The following MYOM3 variants were observed in gnomAD, a reference collection of about 807,000 sequenced individuals.
The protein encoded by MYOM3 is myomesin-3.
In MYOM3, 155 loss-of-function variants were observed where a neutral mutation model predicts 191.7. The observed-to-expected ratio is 0.81, with a 90% CI of 0.71 to 0.92. The LOEUF (loss-of-function observed/expected upper bound fraction) is 0.92, where lower values mean the gene tolerates loss of function less well. MYOM3 is among the 40% of genes least tolerant of loss of function. MYOM3 has a pLI of 0.00. For missense variants in MYOM3, 1,889 were observed against 1,890.6 expected (o/e 1.00, Z 0.02); for synonymous variants, 757 against 762.9 (o/e 0.99, Z 0.13).
intron 11 of MYOM3, 132 bp from the exon 12 acceptor site, chr1:24,091,128 C>A: frequency 9.3e-7 from 1 of 1,069,992 alleles, no homozygotes. Flanking sequence ...GTTCTTCTCT[C>A]CAATGGAAGA....
rs538389493 is a variant in MYOM3, at chr1:24,071,107, A to G, written c.3150+10T>C. 5 of 1,613,080 alleles carry G rather than the reference A, an allele frequency of 3.1e-6. No homozygotes were observed. The highest frequency in any genetic ancestry group is 1.3e-5 in the African/African-American group (1 of 75,026). Reference sequence around the variant, plus strand: ...GAGCCTCACTTCAGGGATTGTGAGCACCCAATTACCGGCGAGCTGAAGATC... The same window carrying G: ...GAGCCTCACTTCAGGGATTGTGAGCGCCCAATTACCGGCGAGCTGAAGATC... On this transcript the variant is annotated intron_variant, in intron 25 of 36. Transcript: ENST00000374434.
At position 24,067,004 on chromosome 1, in the gene MYOM3, G is replaced by A; in HGVS notation, c.3423+17C>T. On this transcript the variant is annotated intron_variant, in intron 28 of 36. Coordinates refer to ENST00000374434, the MANE Select transcript of MYOM3 (RefSeq NM_152372.4). ...CCCCCTGCACTGGGCCTGGGGGCAG[G>A]GCAGGGCAGGACTTGCCTTGCACGT... is the stretch of plus-strand genomic sequence containing the variant. The A allele has an allele frequency of 6.4e-7, 1 of 1,559,812 alleles. No individual in the cohort carries two copies. The highest frequency in any genetic ancestry group is 8.7e-7 in the Non-Finnish European group (1 of 1,150,478).
rs765198036 is a variant in MYOM3 at position 24,082,002 on chromosome 1, T to C, written c.2279A>G (p.Lys760Arg). 27 of 1,608,056 alleles carry C rather than the reference T, an allele frequency of 1.7e-5. No individual in the cohort carries two copies. Among genetic ancestry groups the C allele is most frequent in the South Asian group, 5.6e-5 (5 of 90,054 alleles). Residue 760 changes from lysine (K) to arginine (R), a missense_variant and splice_region_variant, in exon 18 of 37, where the codon AAG becomes AGG. Lys to Arg is a conservative substitution (Grantham distance 26, BLOSUM62 2). Transcript: ENST00000374434. ...GCTGGGGCCACCTTCCAGCCCTACC[T>C]TGCAGACCCGGGTGGGGATGGGCTG... is the stretch of plus-strand genomic sequence containing the variant. The part of the protein sequence containing the change: ...NQQPIPTRVC[K>R]VSDLHEGHFY...
rs372739261 is a variant in MYOM3 at position 24,064,073 on chromosome 1, G to A, written c.3621C>T (p.Asp1207=). 56 of 1,613,164 alleles carry A rather than the reference G, an allele frequency of 3.5e-5. No individual in the cohort carries two copies. Among genetic ancestry groups the A allele is most frequent in the East Asian group, 1.6e-4 (7 of 44,844 alleles). Residue 1207 remains aspartate, a splice_region_variant and synonymous_variant, in exon 30 of 37, where the codon GAC becomes GAT. Coordinates refer to ENST00000374434, the MANE Select transcript of MYOM3 (RefSeq NM_152372.4). ...CCCTGACCCATCGCCAGCTCCTACC[G>A]TCACCCGTGAGGTCCAATATGGTGT... The part of the protein sequence containing the change: ...EDDTILDLTG[D]ALDAIFTELG...
intron 15 of MYOM3, 67 bp from the exon 16 acceptor site, chr1:24,084,706 G>A: frequency 2.8e-6 from 4 of 1,441,930 alleles, no homozygotes; most frequent in Non-Finnish European, 3.8e-6. Flanking sequence ...CTGGGGAAGG[G>A]GAGGAGCATG....
intron 25 of MYOM3, 118 bp downstream of exon 25, chr1:24,070,999 A>G: frequency 7.7e-7 from 1 of 1,293,946 alleles, no homozygotes; most frequent in Non-Finnish European, 1.1e-6. Context: ...GCAAAAGCAC[A>G]CCGTCATTTC....
chr1:24,092,213 T>A lies in MYOM3; in HGVS notation c.1193A>T (p.Asp398Val), dbSNP rs766526907. Residue 398 changes from aspartate (D) to valine (V), a missense_variant, in exon 11 of 37, where the codon GAC becomes GTC. By Grantham distance (152) the Asp-to-Val change is radical. Coordinates refer to ENST00000374434, the MANE Select transcript of MYOM3 (RefSeq NM_152372.4). ...GGCAGTGATGGGGTTGCCCCGGGTG[T>A]CACTGGGCGGGGCCCAAGTCAGGAT... is the stretch of plus-strand genomic sequence containing the variant. ...CLILTWAPPSDTRGNPITAYT... is the reference protein window; with the variant it reads ...CLILTWAPPSVTRGNPITAYT... 2 of 1,454,284 alleles carry A rather than the reference T, an allele frequency of 1.4e-6. No individual in the cohort carries two copies. The highest frequency in any genetic ancestry group is 1.5e-5 in the South Asian group (1 of 68,220). The allele number at this position is 1,454,284 out of a possible 1,614,324, so 90.1% of individuals were successfully genotyped here. A position where few individuals can be genotyped will look rare whatever the true frequency, so the allele number is the denominator to read the frequency against.
At position 24,075,018 on chromosome 1, in the gene MYOM3, A is replaced by C. The variant is rs1379043155; in HGVS notation, c.2858+301T>G. On this transcript the variant is annotated intron_variant, in intron 22 of 36. Transcript: ENST00000374434. ...CTTGCTCTTGGGAGGTCAAGGCTGC[A>C]GTGAGCCGAGATCATGCCATTGCAC... 2.0e-5 allele frequency among the ~76,000 whole-genome samples: 3 copies of C among 152,302 alleles called. No homozygotes were observed. In the East Asian group the frequency reaches 5.8e-4, roughly 29 times the overall value.
rs74061495 is a variant in MYOM3, at chr1:24,097,568, C to T, written c.745+355G>A. Among the ~76,000 whole-genome samples the T allele has an allele frequency of 4.5e-3, 689 of 152,290 alleles. 6 individuals carry two copies. Among genetic ancestry groups the T allele is most frequent in the African/African-American group, 0.015 (628 of 41,554 alleles). ...TGAGTTCAAGTCCCAGCCCTGCCAC[C>T]GGCTGGCTCAGGATGGAATCAGGTA... On this transcript the variant is annotated intron_variant, in intron 7 of 36. Coordinates refer to ENST00000374434, the MANE Select transcript of MYOM3 (RefSeq NM_152372.4).
chr1:24,092,248 T>G lies in MYOM3; in HGVS notation c.1158A>C (p.Arg386Ser). 7.1e-7 allele frequency: 1 copy of G among 1,414,676 alleles called. No individual in the cohort carries two copies. The highest frequency in any genetic ancestry group is 1.5e-5 in the African/African-American group (1 of 67,552). 87.6% of individuals were successfully genotyped at this position (1,414,676 alleles called of 1,614,324 possible). A position where few individuals can be genotyped will look rare whatever the true frequency, so the allele number is the denominator to read the frequency against. ...PLNVRCLDVN[R>S]DCLILTWAPP... ...GGGCCCAAGTCAGGATGAGGCAGTC[T>G]CTGTTCACATCCAGGCATCGGACGT... The change falls in exon 11 of 37, where the codon AGA becomes AGC. Residue 386 changes from arginine (R) to serine (S), a missense_variant. Arg to Ser is a moderately radical substitution (Grantham distance 110). Transcript: ENST00000374434.
chr1:24,082,688 C>T lies in MYOM3; in HGVS notation c.1997G>A (p.Gly666Glu), dbSNP rs1238362153. 2 of 1,611,422 alleles carry T rather than the reference C, an allele frequency of 1.2e-6. No individual in the cohort carries two copies. Among genetic ancestry groups the T allele is most frequent in the Admixed American group, 3.4e-5 (2 of 59,698 alleles). Residue 666 changes from glycine to glutamate, a missense_variant, in exon 17 of 37, where the codon GGG becomes GAG. Gly to Glu is a moderately conservative substitution (Grantham distance 98). Transcript: ENST00000374434. Reference sequence around the variant, plus strand: ...CCTGACACAAAACTCGTACTCCTTCCCCGTCCTCAGCCCGGGAACTGTAAA... The same window carrying T: ...CCTGACACAAAACTCGTACTCCTTCTCCGTCCTCAGCCCGGGAACTGTAAA... ...TRFTVPGLRT[G>E]KEYEFCVRSV...
Position 24,061,053 on chromosome 1 carries a change from G to C in MYOM3, c.3994+7C>G. 12 of 1,613,882 alleles carry C rather than the reference G, an allele frequency of 7.4e-6. No individual in the cohort carries two copies. Among genetic ancestry groups the C allele is most frequent in the Non-Finnish European group, 8.5e-6 (10 of 1,179,980 alleles). On this transcript the variant is annotated splice_region_variant and intron_variant, in intron 35 of 36. Transcript: ENST00000374434. Reference sequence around the variant, plus strand: ...AACAAAAACAACAGAAATATCGGCCGACTTACTCTTCTCGATGATGGCCAA... The same window carrying C: ...AACAAAAACAACAGAAATATCGGCCCACTTACTCTTCTCGATGATGGCCAA...
intron 5 of MYOM3, among the ~76,000 whole-genome samples, chr1:24,102,222 C>A (rs1403963950): frequency 6.6e-6 from 1 of 152,182 alleles, no homozygotes; most frequent in Non-Finnish European, 1.5e-5. Context: ...CCATGCAGCC[C>A]CCAGCCTGGC....
Position 24,089,679 on chromosome 1 carries a change from C to A in MYOM3, c.1487-14G>T. 2 of 1,565,618 alleles carry A rather than the reference C, an allele frequency of 1.3e-6. No individual in the cohort carries two copies. Among genetic ancestry groups the A allele is most frequent in the South Asian group, 2.4e-5 (2 of 84,390 alleles). On this transcript the variant is annotated splice_polypyrimidine_tract_variant and intron_variant, in intron 13 of 36. Transcript: ENST00000374434. Reference sequence around the variant, plus strand: ...TGGTCACAGTATCTGAAATCAGAGTCACCCGGGACCGAGATGGTTGGACCC... The same window carrying A: ...TGGTCACAGTATCTGAAATCAGAGTAACCCGGGACCGAGATGGTTGGACCC...
At position 24,062,074 on chromosome 1, in the gene MYOM3, G is replaced by A. The variant is rs201982671; in HGVS notation, c.3806C>T (p.Thr1269Met). The A allele has an allele frequency of 6.6e-4, 1,062 of 1,614,130 alleles. 1 individual carries two copies. The highest frequency in any genetic ancestry group is 2.3e-4 in the Non-Finnish European group (277 of 1,180,028). Residue 1269 changes from threonine (T) to methionine (M), a missense_variant, in exon 33 of 37, where the codon ACG becomes ATG. Coordinates refer to ENST00000374434, the MANE Select transcript of MYOM3 (RefSeq NM_152372.4). ...KRLESGDRIRTGTTLDEIWLH... is the reference protein window; with the variant it reads ...KRLESGDRIRMGTTLDEIWLH... ...CCAGATCTCATCCAGGGTGGTGCCC[G>A]TCCTTATCCGATCACCACTCTCCAG... is the stretch of plus-strand genomic sequence containing the variant.
chr1:24,069,256 G>T (rs1643492993), intron 25 of MYOM3, among the ~76,000 whole-genome samples: 1 of 152,104 alleles, frequency 6.6e-6, no homozygotes, highest in African/African-American at 2.4e-5. Context: ...TTTCTATAGG[G>T]ACAACTGATT....
intron 9 of MYOM3, 101 bp from the exon 10 acceptor site, chr1:24,093,209 A>G: frequency 1.3e-6 from 1 of 749,772 alleles, no homozygotes; most frequent in South Asian, 1.6e-5. Context: ...CTGGGCAGAG[A>G]GAGAGGCTGG....
In MYOM3 at chr1:24,084,755, C is replaced by G. The variant is rs1314329261; in HGVS notation, c.1799-116G>C. On this transcript the variant is annotated intron_variant, in intron 15 of 36. Transcript: ENST00000374434. ...AGGAGCTCCCACAGCAATCAAGGTG[C>G]ATGAATTCCTGACCTGCTGGGGGCT... The G allele has an allele frequency of 5.2e-6, 5 of 955,120 alleles. No homozygotes were observed. The African/African-American group carries it at 8.2e-5, about 16-fold the overall frequency. 59.2% of individuals were successfully genotyped at this position (955,120 alleles called of 1,614,324 possible).
chr1:24,066,445 A>G (rs1643435458), intron 28 of MYOM3: 1 of 573,960 alleles, frequency 1.7e-6, no homozygotes, highest in East Asian at 2.9e-5. Context: ...GAGTTTACTG[A>G]ATGAATATGC....
Sources: allele counts gnomAD v4.1 joint callset (sites outside exome capture counted in the v4.1 genomes callset), GRCh38; gene constraint gnomAD v4.1.1; transcripts MANE v1.5; gene names NCBI Gene and HGNC (gene_info 2026-07-23, HGNC 2026-07-21).